Variants in MYH9 observed in about 807,000 individuals in gnomAD.
MYH9 encodes the protein myosin-9.
Under a neutral mutation model 241.9 loss-of-function variants are expected in MYH9, and 29 were observed. That is an observed-to-expected ratio of 0.12 (90% CI 0.09 to 0.16). MYH9 has a LOEUF of 0.16. MYH9 is among the 10% of genes least tolerant of loss of function. The pLI is 1.00. For synonymous variants in MYH9, 1,047 were observed against 1,062.6 expected, an observed-to-expected ratio of 0.99 and a Z score of 0.29; for missense variants, 1,803 against 2,595.5, an observed-to-expected ratio of 0.69 and a Z score of 6.63.
At chr22:36,338,806 TGA>T (rs1465364318) in intron 3 of MYH9, among the ~76,000 whole-genome samples, 2 of 142,578 alleles carry the variant, frequency 1.4e-5, no homozygotes, top group Admixed American at 1.4e-4. Flanking sequence ...GATGACAGAG[TGA>T]GACTCCATCT....
Position 36,288,809 on chromosome 22 carries a change from T to G in MYH9, c.4688A>C (p.Gln1563Pro). ...CCGCTCGAACTGGGCCTTCATGGCC[T>G]GCAGGTTGACCTCCAACCGCAGCTT... The part of the protein sequence containing the change: ...DAKLRLEVNL[Q>P]AMKAQFERDL... Residue 1563 changes from glutamine to proline, a missense_variant, in exon 33 of 41, where the codon CAG becomes CCG. Physicochemically the swap from Gln to Pro is moderately conservative, Grantham distance 76. This residue lies in a region of MYH9 where 876 missense variants were observed against 1,077.8 expected (regional missense o/e 0.81). Coordinates refer to ENST00000216181, the MANE Select transcript of MYH9 (RefSeq NM_002473.6). This position sits in a 1 kb window ranked among gnomAD's most constrained non-coding sequence, Gnocchi z 4.8. The G allele has an allele frequency of 5.6e-6, 9 of 1,613,292 alleles. No homozygotes were observed. The highest frequency in any genetic ancestry group is 7.6e-6 in the Non-Finnish European group (9 of 1,179,990).
At chr22:36,355,648 T>C (rs2017843595) in intron 1 of MYH9, among the ~76,000 whole-genome samples, 1 of 152,184 alleles carries the variant, frequency 6.6e-6, no homozygotes, top group Admixed American at 6.5e-5. Context: ...CGCTGCATGT[T>C]CTCACTCAAT....
chr22:36,363,901 G>T (rs140239952), intron 1 of MYH9, among the ~76,000 whole-genome samples: 71 of 152,348 alleles, frequency 4.7e-4, no homozygotes, highest in African/African-American at 1.5e-3. Flanking sequence ...GGGGGAACTT[G>T]AACCCTTCAG....
intron 12 of MYH9, among the ~76,000 whole-genome samples, chr22:36,316,247 TG>T (rs1205692425): frequency 6.6e-6 from 1 of 151,668 alleles, no homozygotes; most frequent in African/African-American, 2.4e-5. Flanking sequence ...TTGGTCAGGC[TG>T]GTCTCAAACT....
chr22:36,303,012 C>A (rs1313136075), intron 19 of MYH9, among the ~76,000 whole-genome samples: 1 of 152,172 alleles, frequency 6.6e-6, no homozygotes, highest in African/African-American at 2.4e-5. Flanking sequence ...ATTAAGCTGA[C>A]TGGCCCTGGG....
intron 3 of MYH9, 53 bp downstream of exon 3, chr22:36,341,317 T>G: frequency 6.2e-7 from 1 of 1,608,396 alleles, no homozygotes; most frequent in Non-Finnish European, 8.5e-7. Flanking sequence ...AAGGTGTCAA[T>G]GAGGCCCCAG....
chr22:36,286,677 C>T (rs757877437), intron 35 of MYH9, 41 bp downstream of exon 35: 12 of 1,607,556 alleles, frequency 7.5e-6, no homozygotes, highest in South Asian at 2.2e-5. Context: ...ACCTGCTGGC[C>T]GCAGGGCAGC....
At position 36,387,919 on chromosome 22, in the gene MYH9, C is replaced by T. The variant is rs1398235331; in HGVS notation, c.-132G>A. 2.0e-5 allele frequency: 3 copies of T among 152,152 alleles called. No homozygotes were observed. Among genetic ancestry groups the T allele is most frequent in the Admixed American group, 6.5e-5 (1 of 15,288 alleles). The allele number at this position is 152,152 out of a possible 1,614,324, so 9.4% of individuals were successfully genotyped here. A position where few individuals can be genotyped will look rare whatever the true frequency, so the allele number is the denominator to read the frequency against. ...GCACGAGGCGGGAGCTGCAGCAGGTCAGCCTTGCTTAGCCTTCCGTGCCCT... is the reference window on the plus strand; with the variant it reads ...GCACGAGGCGGGAGCTGCAGCAGGTTAGCCTTGCTTAGCCTTCCGTGCCCT... On this transcript the variant is annotated 5_prime_UTR_variant, in exon 1 of 41. Transcript: ENST00000216181.
intron 2 of MYH9, among the ~76,000 whole-genome samples, chr22:36,344,759 C>T (rs2017650693): frequency 6.6e-6 from 1 of 152,242 alleles, no homozygotes; most frequent in Non-Finnish European, 1.5e-5. Context: ...AAGACGCAGC[C>T]ACTAACACTG....
Position 36,282,792 on chromosome 22 carries a change from G to A in MYH9, c.5766-7C>T. 1 of 1,606,880 alleles carries A rather than the reference G, an allele frequency of 6.2e-7. No individual in the cohort carries two copies. Among genetic ancestry groups the A allele is most frequent in the Non-Finnish European group, 8.5e-7 (1 of 1,178,864 alleles). On this transcript the variant is annotated splice_region_variant and splice_polypyrimidine_tract_variant and intron_variant, in intron 40 of 40. Transcript: ENST00000216181. ...AAACGGCAGGTCCCCGCGCCTGGGG[G>A]CAGAGGTAGAAGCAGAGGGTCAGCG...
At chr22:36,303,897 T>TGAC in intron 19 of MYH9, 98 bp downstream of exon 19, 1 of 1,437,596 alleles carries the variant, frequency 7.0e-7, no homozygotes, top group East Asian at 2.4e-5. Context: ...GACAGGCATG[T>TGAC]GACTGGCTGC....
chr22:36,360,573 C>A (rs2017922181), intron 1 of MYH9, among the ~76,000 whole-genome samples: 1 of 151,870 alleles, frequency 6.6e-6, no homozygotes, highest in Non-Finnish European at 1.5e-5. Context: ...ATTAGCCGGG[C>A]ATGGTGGCGG....
chr22:36,321,711 C>G, intron 7 of MYH9, 47 bp downstream of exon 7: 2 of 1,558,960 alleles, frequency 1.3e-6, no homozygotes, highest in Middle Eastern at 3.4e-4. Context: ...GAGGTCATGC[C>G]TCCCCTCCGG....
intron 2 of MYH9, among the ~76,000 whole-genome samples, chr22:36,347,819 A>C (rs1208201401): frequency 5.8e-5 from 2 of 34,260 alleles, no homozygotes; most frequent in Non-Finnish European, 1.6e-4. Flanking sequence ...AAAAAAAAAA[A>C]CAATAGTAAG....
chr22:36,366,636 C>T (rs550576762), intron 1 of MYH9, among the ~76,000 whole-genome samples: 127 of 152,274 alleles, frequency 8.3e-4, no homozygotes, highest in African/African-American at 2.9e-3. Flanking sequence ...AGCACAAGAA[C>T]GAAAGAGGAG....
chr22:36,370,675 G>GGAGCCTGT (rs2018076157), intron 1 of MYH9, among the ~76,000 whole-genome samples: 1 of 152,198 alleles, frequency 6.6e-6, no homozygotes, highest in Admixed American at 6.5e-5. Flanking sequence ...ACAGAGGGGA[G>GGAGCCTGT]GAGCCACCTC....
chr22:36,320,504 C>T lies in MYH9; in HGVS notation c.869-141G>A, dbSNP rs533595616. On this transcript the variant is annotated intron_variant, in intron 8 of 40. Coordinates refer to ENST00000216181, the MANE Select transcript of MYH9 (RefSeq NM_002473.6). The surrounding 1 kb of genome is among the most constrained non-coding windows in gnomAD (Gnocchi z 4.8). The stretch of plus-strand genomic sequence containing the variant: ...CTGGAAACCGCAGAGTAGCCAGTGA[C>T]GTTCAGCTTTCCTCAGTGTCTGAGA... The T allele has an allele frequency of 5.4e-6, 6 of 1,110,584 alleles. No homozygotes were observed. Among genetic ancestry groups the T allele is most frequent in the African/African-American group, 4.6e-5 (3 of 65,180 alleles). The allele number at this position is 1,110,584 out of a possible 1,614,324, so 68.8% of individuals were successfully genotyped here.
chr22:36,344,601 G>A lies in MYH9; in HGVS notation c.334-3075C>T, dbSNP rs112913686. On this transcript the variant is annotated intron_variant, in intron 2 of 40. Coordinates refer to ENST00000216181, the MANE Select transcript of MYH9 (RefSeq NM_002473.6). ...ATGATGCTTAGAAGAAGGCTGGTGAGAGGCAGGAGGAACTGCACACCAGAG... is the reference window on the plus strand; with the variant it reads ...ATGATGCTTAGAAGAAGGCTGGTGAAAGGCAGGAGGAACTGCACACCAGAG... 7.0e-4 allele frequency among the ~76,000 whole-genome samples: 106 copies of A among 152,388 alleles called. 1 individual carries two copies. Among genetic ancestry groups the A allele is most frequent in the African/African-American group, 2.3e-3 (95 of 41,598 alleles).
chr22:36,290,005 C>G (rs944429395), intron 31 of MYH9, among the ~76,000 whole-genome samples: 1 of 152,270 alleles, frequency 6.6e-6, no homozygotes, highest in East Asian at 1.9e-4. Context: ...GGGCCGGATC[C>G]GGCTACCACA....
Sources: gnomAD v4.1 joint callset for allele counts (sites outside exome capture counted in the v4.1 genomes callset) on GRCh38, gnomAD v4.1.1 for gene constraint, gnomAD v4.1.1 regional missense constraint, Gnocchi (gnomAD v3.1) non-coding constraint, MANE v1.5 for transcripts, NCBI Gene and HGNC (gene_info 2026-07-23, HGNC 2026-07-21) for gene names.